The following WLS variants were observed in gnomAD, a reference collection of about 807,000 sequenced individuals.
WLS encodes protein wntless homolog.
Under a neutral mutation model 62.8 loss-of-function variants are expected in WLS, and 23 were observed. The observed-to-expected ratio is 0.37, with a 90% confidence interval of 0.26 to 0.52. The LOEUF is 0.52. WLS is among the 20% of genes least tolerant of loss of function. The probability of loss-of-function intolerance (pLI) is 0.92; values close to 1 mark genes in which losing one functional copy is unlikely to be tolerated. For missense variants in WLS, 615 were observed against 697.3 expected (o/e 0.88, Z 1.33); for synonymous variants, 246 against 244.1 (o/e 1.01, Z -0.07).
intron 11 of WLS, chr1:68,100,688 G>T (rs1238229037): frequency 6.6e-6 from 1 of 152,126 alleles, no homozygotes; most frequent in East Asian, 1.9e-4. Flanking sequence ...CTTCTGTAAT[G>T]TCAAAACAGA....
At chr1:68,185,212 C>T (rs141773528) in intron 2 of WLS, among the ~76,000 whole-genome samples, 54 of 152,244 alleles carry the variant, frequency 3.5e-4, no homozygotes, top group African/African-American at 1.1e-3. Context: ...AGATGCCCAT[C>T]GAAAAAACAG....
intron 11 of WLS, among the ~76,000 whole-genome samples, chr1:68,101,545 T>C (rs544169840): frequency 2.6e-4 from 39 of 152,316 alleles, no homozygotes; most frequent in Non-Finnish European, 5.1e-4. Flanking sequence ...CTGAATCCAA[T>C]TCAACCACTC....
intron 11 of WLS, 138 bp downstream of exon 11, chr1:68,137,642 T>C (rs1194727983): frequency 2.0e-6 from 2 of 975,632 alleles, no homozygotes; most frequent in African/African-American, 3.3e-5. Context: ...TGGGTGCTCA[T>C]TCACCGTCTC....
rs1647108174 is a variant in WLS, at chr1:68,169,132, C to T, written c.380-9885G>A. 1.3e-5 allele frequency among the ~76,000 whole-genome samples: 2 copies of T among 152,208 alleles called. 1 individual carries two copies. Among genetic ancestry groups the T allele is most frequent in the South Asian group, 4.1e-4 (2 of 4,826 alleles). On this transcript the variant is annotated intron_variant, in intron 2 of 11. Transcript: ENST00000262348. ...CTTCCACATGTAAGAAAACATATTTCTAAGCATTGCAAAACTGGTTCCTTG... is the reference window on the plus strand; with the variant it reads ...CTTCCACATGTAAGAAAACATATTTTTAAGCATTGCAAAACTGGTTCCTTG...
At chr1:68,135,498 A>G (rs12064323) in intron 11 of WLS, among the ~76,000 whole-genome samples, 5,569 of 152,080 alleles carry the variant, frequency 0.037, 121 homozygotes, top group Middle Eastern at 0.099. Context: ...GATCACTTAC[A>G]TTTGGGAGCA....
downstream of WLS, among the ~76,000 whole-genome samples, chr1:68,122,441 T>C (rs1018784579): frequency 6.6e-6 from 1 of 152,204 alleles, no homozygotes; most frequent in Non-Finnish European, 1.5e-5. Flanking sequence ...CTATGGACAT[T>C]TTCTTGTAGG....
chr1:68,115,610 T>A (rs1199161839), intron 11 of WLS, among the ~76,000 whole-genome samples: 1 of 152,118 alleles, frequency 6.6e-6, no homozygotes, highest in Non-Finnish European at 1.5e-5. Context: ...GGGACTACTG[T>A]GAGGTGCCAG....
At chr1:68,195,585 A>G (rs1197452309) in intron 1 of WLS, among the ~76,000 whole-genome samples, 5 of 152,200 alleles carry the variant, frequency 3.3e-5, no homozygotes, top group African/African-American at 7.2e-5. Context: ...AAGGCTATCT[A>G]TAAGAATAAT....
chr1:68,217,177 A>G (rs1649764194), intron 1 of WLS, among the ~76,000 whole-genome samples: 1 of 152,160 alleles, frequency 6.6e-6, no homozygotes, highest in South Asian at 2.1e-4. Flanking sequence ...CAGCATTTCA[A>G]ATTAACTACT....
chr1:68,108,817 TG>T (rs1213391560), intron 11 of WLS, among the ~76,000 whole-genome samples: 2 of 152,076 alleles, frequency 1.3e-5, no homozygotes, highest in African/African-American at 2.4e-5. Context: ...GCTTTTCTTA[TG>T]GGGAAAATTG....
chr1:68,224,307 A>G (rs2100665949), intron 1 of WLS, among the ~76,000 whole-genome samples: 1 of 152,334 alleles, frequency 6.6e-6, no homozygotes, highest in South Asian at 2.1e-4. Flanking sequence ...CACTGGAAGC[A>G]GGTTTTGGAA....
At chr1:68,212,385 C>G (rs1649550848) in intron 1 of WLS, among the ~76,000 whole-genome samples, 1 of 152,082 alleles carries the variant, frequency 6.6e-6, no homozygotes, top group Admixed American at 6.5e-5. Context: ...AGGTTTTATC[C>G]CCCAAATTCC....
chr1:68,106,716 CTGTGTGTGTG>C (rs59601112), intron 11 of WLS, among the ~76,000 whole-genome samples: 123 of 146,814 alleles, frequency 8.4e-4, no homozygotes, highest in African/African-American at 2.3e-3. Flanking sequence ...GTGTTTGTCA[CTGTGTGTGTG>C]TGTGTGTGTG....
In WLS at chr1:68,137,696, C is replaced by T. The variant is rs531824756; in HGVS notation, c.1516+84G>A. The stretch of plus-strand genomic sequence containing the variant: ...TTGGAGGGAAAGTTTCACTGGGCAT[C>T]TCAGAGCTTTAGCCATTTAAATCTT... On this transcript the variant is annotated intron_variant, in intron 11 of 11. Transcript: ENST00000262348. 2.0e-4 allele frequency: 299 copies of T among 1,475,204 alleles called. 1 individual carries two copies. The highest frequency in any genetic ancestry group is 1.9e-3 in the Middle Eastern group (9 of 4,632). 91.4% of individuals were successfully genotyped at this position (1,475,204 alleles called of 1,614,324 possible).
chr1:68,134,891 A>T (rs1353913727), intron 11 of WLS, among the ~76,000 whole-genome samples: 1 of 152,204 alleles, frequency 6.6e-6, no homozygotes, highest in African/African-American at 2.4e-5. Context: ...GCTGCCTAAT[A>T]TATGGCTCAA....
intron 11 of WLS, among the ~76,000 whole-genome samples, chr1:68,132,801 C>A (rs1474351313): frequency 1.3e-5 from 2 of 152,152 alleles, no homozygotes; most frequent in Non-Finnish European, 2.9e-5. Context: ...AAGCTATTAT[C>A]AAGAATTGTC....
At position 68,098,802 on chromosome 1, in the gene WLS, A is replaced by C. The variant is rs767797970; in HGVS notation, c.1511-49T>G. On this transcript the variant is annotated intron_variant, in intron 11 of 11. Transcript: ENST00000354777. ...AACCATGCAAAATATCCTTTTAAAA[A>C]AATATGTAACATGGAGTTTAGGACC... 8.2e-6 allele frequency: 13 copies of C among 1,587,042 alleles called. No individual in the cohort carries two copies. In the South Asian group the frequency reaches 1.5e-4, roughly 18 times the overall value.
chr1:68,122,871 A>G (rs1646380705), downstream of WLS, among the ~76,000 whole-genome samples: 1 of 152,024 alleles, frequency 6.6e-6, no homozygotes. Flanking sequence ...ACATACTGCA[A>G]CCCCTCTCCT....
intron 4 of WLS, among the ~76,000 whole-genome samples, chr1:68,154,753 CT>C (rs1427410191): frequency 6.6e-6 from 1 of 152,178 alleles, no homozygotes; most frequent in Non-Finnish European, 1.5e-5. Context: ...TAAACCACCC[CT>C]ATTCCTTTTA....
Sources: allele counts gnomAD v4.1 joint callset (sites outside exome capture counted in the v4.1 genomes callset), GRCh38; gene constraint gnomAD v4.1.1; transcripts MANE v1.5; gene names NCBI Gene and HGNC (gene_info 2026-07-23, HGNC 2026-07-21).